Variants in SIPA1L1 observed in about 807,000 individuals in gnomAD.
The protein encoded by SIPA1L1 is signal-induced proliferation-associated 1-like protein 1.
SIPA1L1 carries 26 observed loss-of-function variants against 162.7 expected under a neutral mutation model. The ratio of observed to expected loss-of-function variants is 0.16; its 90% CI spans 0.12 to 0.22. The LOEUF (loss-of-function observed/expected upper bound fraction) is 0.22. Ranked by LOEUF, SIPA1L1 falls within the 10% of genes least tolerant of loss-of-function variation. The pLI, the probability that SIPA1L1 is intolerant of heterozygous loss-of-function variation, is 1.00. For synonymous variants in SIPA1L1, 829 were observed against 837.4 expected (o/e 0.99, Z 0.17); for missense variants, 1,874 against 2,241.0 (o/e 0.84, Z 3.31).
intron 4 of SIPA1L1, among the ~76,000 whole-genome samples, chr14:71,572,196 C>T (rs1360631142): frequency 6.6e-6 from 1 of 152,186 alleles, no homozygotes; most frequent in African/African-American, 2.4e-5. Flanking sequence ...CTGGATTAAG[C>T]ATTCACAAGG....
At chr14:71,575,739 C>G (rs529462821) in intron 4 of SIPA1L1, among the ~76,000 whole-genome samples, 3 of 152,226 alleles carry the variant, frequency 2.0e-5, no homozygotes, top group African/African-American at 7.2e-5. Flanking sequence ...TTATCCAGTT[C>G]TGTGTCACTT....
At chr14:71,391,081 G>A (rs1213291795) in intron 2 of SIPA1L1, among the ~76,000 whole-genome samples, 1 of 143,322 alleles carries the variant, frequency 7.0e-6, no homozygotes, top group Non-Finnish European at 1.5e-5. Flanking sequence ...ACAAAAATTA[G>A]TTTTGTGCCT....
intron 2 of SIPA1L1, among the ~76,000 whole-genome samples, chr14:71,390,213 AT>A (rs1595174898): frequency 6.6e-6 from 1 of 152,174 alleles, no homozygotes; most frequent in Non-Finnish European, 1.5e-5. Context: ...CAATCCAAAT[AT>A]TTTCCCCTCT....
At chr14:71,531,300 CT>C (rs1010740895) in intron 4 of SIPA1L1, among the ~76,000 whole-genome samples, 271 of 141,240 alleles carry the variant, frequency 1.9e-3, no homozygotes, top group African/African-American at 4.5e-3. Context: ...AAATTTACTT[CT>C]TTTTTTTTTT....
At chr14:71,703,134 C>T (rs925496103) in intron 15 of SIPA1L1, among the ~76,000 whole-genome samples, 8 of 152,126 alleles carry the variant, frequency 5.3e-5, no homozygotes, top group African/African-American at 1.7e-4. Context: ...GATACAATAA[C>T]ATTTTGCCAT....
intron 10 of SIPA1L1, among the ~76,000 whole-genome samples, chr14:71,666,283 C>T (rs2043995938): frequency 1.3e-5 from 2 of 152,122 alleles, no homozygotes; most frequent in Admixed American, 1.3e-4. Flanking sequence ...AAAATTCAGA[C>T]CCTGAATAAC....
At chr14:71,604,379 G>C (rs1209825455) in intron 5 of SIPA1L1, among the ~76,000 whole-genome samples, 2 of 152,040 alleles carry the variant, frequency 1.3e-5, no homozygotes, top group Non-Finnish European at 2.9e-5. Flanking sequence ...CTAGGTTCAA[G>C]CATTCTTTCT....
chr14:71,684,705 G>A (rs2046129376), intron 12 of SIPA1L1, among the ~76,000 whole-genome samples: 1 of 151,020 alleles, frequency 6.6e-6, no homozygotes, highest in Admixed American at 6.6e-5. Flanking sequence ...AGTGGCAAGT[G>A]TGTGAAGCTG....
intron 2 of SIPA1L1, among the ~76,000 whole-genome samples, chr14:71,328,076 A>T (rs1738657463): frequency 6.6e-6 from 1 of 152,200 alleles, no homozygotes; most frequent in African/African-American, 2.4e-5. Flanking sequence ...TTAGGATCTT[A>T]ATGATGAGTC....
chr14:71,712,197 T>C (rs2150040701), intron 17 of SIPA1L1, among the ~76,000 whole-genome samples: 1 of 152,306 alleles, frequency 6.6e-6, no homozygotes, highest in East Asian at 1.9e-4. Context: ...TGATTAAGTT[T>C]CACTGCATCT....
chr14:71,446,875 A>G (rs1380023456), intron 2 of SIPA1L1, among the ~76,000 whole-genome samples: 1 of 145,896 alleles, frequency 6.9e-6, no homozygotes, highest in Non-Finnish European at 1.5e-5. Context: ...GATCCTGCAA[A>G]TAAAGAGAGA....
At chr14:71,450,327 G>T (rs2141504462) in intron 2 of SIPA1L1, among the ~76,000 whole-genome samples, 1 of 152,184 alleles carries the variant, frequency 6.6e-6, no homozygotes, top group African/African-American at 2.4e-5. Flanking sequence ...TCAGTTTATA[G>T]CTCGATAGTG....
chr14:71,651,798 T>C (rs572189731), intron 8 of SIPA1L1, among the ~76,000 whole-genome samples: 1 of 152,136 alleles, frequency 6.6e-6, no homozygotes, highest in South Asian at 2.1e-4. Context: ...AATGTATAGC[T>C]AGGGTATCGT....
chr14:71,505,747 C>T (rs888143736), intron 2 of SIPA1L1, among the ~76,000 whole-genome samples: 4 of 152,156 alleles, frequency 2.6e-5, no homozygotes, highest in East Asian at 3.9e-4. Flanking sequence ...TGATGCCGCA[C>T]GTGGAAATTT....
At position 71,464,333 on chromosome 14, in the gene SIPA1L1, C is replaced by T. The variant is rs915322122; in HGVS notation, c.-464-48410C>T. Among the ~76,000 whole-genome samples the T allele has an allele frequency of 3.3e-5, 5 of 152,228 alleles. No homozygotes were observed. The East Asian group carries it at 7.7e-4, about 24-fold the overall frequency. ...ACTATTAGAACCTTTCTTAACTCCC[C>T]GAGCTGCAACATTAAAAGCAGAGTC... On this transcript the variant is annotated intron_variant, in intron 2 of 23. Transcript: ENST00000381232.
chr14:71,488,522 C>A (rs149551558), intron 2 of SIPA1L1, among the ~76,000 whole-genome samples: 47 of 152,238 alleles, frequency 3.1e-4, no homozygotes, highest in African/African-American at 1.1e-3. Flanking sequence ...TGTAAAAGTT[C>A]CCAGTGCTTT....
chr14:71,577,495 A>G (rs542620762), intron 4 of SIPA1L1, among the ~76,000 whole-genome samples: 7 of 151,374 alleles, frequency 4.6e-5, no homozygotes, highest in African/African-American at 7.3e-5. Flanking sequence ...TCCTGCCTCA[A>G]CCTCCCAAGT....
At chr14:71,601,193 C>T (rs1000535348) in intron 5 of SIPA1L1, among the ~76,000 whole-genome samples, 18 of 152,240 alleles carry the variant, frequency 1.2e-4, no homozygotes, top group African/African-American at 4.3e-4. Flanking sequence ...GAAAGGATTT[C>T]AGCTTTTCCC....
intron 2 of SIPA1L1, among the ~76,000 whole-genome samples, chr14:71,468,386 CCCAGCTTCTGGGGAGGCCT>C (rs1486370172): frequency 1.5e-4 from 23 of 152,286 alleles, no homozygotes; most frequent in African/African-American, 3.9e-4. Context: ...CTGGCATCTG[CCCAGCTTCTGGGGAGGCCT>C]CAGGAAGCTT....
Sources: gnomAD v4.1 joint callset for allele counts (sites outside exome capture counted in the v4.1 genomes callset) on GRCh38, gnomAD v4.1.1 for gene constraint, MANE v1.5 for transcripts, NCBI Gene and HGNC (gene_info 2026-07-23, HGNC 2026-07-21) for gene names.